NTM: variants seen among roughly 807,000 people sequenced by gnomAD.
NTM encodes the protein IgLON family member 2.
NTM carries 13 observed loss-of-function variants against 42.1 expected under a neutral mutation model. The ratio of observed to expected loss-of-function variants is 0.31; its 90% CI spans 0.20 to 0.49. The LOEUF (loss-of-function observed/expected upper bound fraction) is 0.49. NTM is among the 20% of genes least tolerant of loss of function. The pLI is 0.99. For missense variants in NTM, 373 were observed against 452.8 expected (o/e 0.82, Z 1.60); for synonymous variants, 187 against 179.2 (o/e 1.04, Z -0.35).
chr11:131,378,458 C>T lies in NTM; in HGVS notation c.82+7570C>T, dbSNP rs77583872. The stretch of plus-strand genomic sequence containing the variant: ...GTAAGAATATAAACAGCATCACAGA[C>T]GAATGAACAGAGTCAGAACATGTAA... On this transcript the variant is annotated intron_variant, in intron 1 of 8. Transcript: ENST00000683400. Among the ~76,000 whole-genome samples the T allele has an allele frequency of 3.7e-4, 57 of 152,260 alleles. No homozygotes were observed. In the East Asian group the frequency reaches 4.4e-3, roughly 12 times the overall value.
intron 1 of NTM, among the ~76,000 whole-genome samples, chr11:131,886,421 G>C (rs570571749): frequency 1.3e-5 from 2 of 151,524 alleles, no homozygotes; most frequent in African/African-American, 4.8e-5. Flanking sequence ...CCTCTTCCCC[G>C]TTCCCCACCT....
intron 2 of NTM, among the ~76,000 whole-genome samples, chr11:131,963,503 T>C (rs1340463146): frequency 3.9e-5 from 6 of 152,236 alleles, no homozygotes; most frequent in Non-Finnish European, 8.8e-5. Context: ...TAGGTCCTCT[T>C]CTTGCAATAT....
intron 2 of NTM, among the ~76,000 whole-genome samples, chr11:132,055,743 C>A (rs2079554864): frequency 6.6e-6 from 1 of 152,042 alleles, no homozygotes; most frequent in Non-Finnish European, 1.5e-5. Flanking sequence ...TGGTAGTGTG[C>A]ACATAAGACC....
intron 1 of NTM, among the ~76,000 whole-genome samples, chr11:131,541,054 A>G (rs2053166682): frequency 6.6e-6 from 1 of 152,218 alleles, no homozygotes; most frequent in South Asian, 2.1e-4. Context: ...TATTGATGGC[A>G]GCTGATTATT....
chr11:131,833,193 T>C (rs2043044019), intron 1 of NTM, among the ~76,000 whole-genome samples: 1 of 152,236 alleles, frequency 6.6e-6, no homozygotes, highest in South Asian at 2.1e-4. Flanking sequence ...GATTTTTGTA[T>C]TGAAGAATTG....
At chr11:131,610,064 A>G (rs2061346030) in intron 1 of NTM, among the ~76,000 whole-genome samples, 1 of 152,242 alleles carries the variant, frequency 6.6e-6, no homozygotes, top group Non-Finnish European at 1.5e-5. Context: ...AAAGGCACAG[A>G]TGACTCCAGC....
intron 7 of NTM, among the ~76,000 whole-genome samples, chr11:132,321,588 A>G (rs2095569748): frequency 6.6e-6 from 1 of 152,242 alleles, no homozygotes; most frequent in Admixed American, 6.5e-5. Flanking sequence ...AATGGAACCA[A>G]GTTGGAAAAC....
intron 2 of NTM, among the ~76,000 whole-genome samples, chr11:132,004,626 T>TCACACA (rs1229745116): frequency 4.1e-4 from 62 of 150,174 alleles, no homozygotes; most frequent in African/African-American, 1.4e-3. Flanking sequence ...TCTCTCTCTC[T>TCACACA]CTCTCTCTCA....
chr11:131,701,287 T>C (rs2076046201), intron 1 of NTM, among the ~76,000 whole-genome samples: 1 of 152,206 alleles, frequency 6.6e-6, no homozygotes, highest in Non-Finnish European at 1.5e-5. Context: ...TAATGCCACC[T>C]ACCCACAGGG....
intron 1 of NTM, among the ~76,000 whole-genome samples, chr11:131,509,314 C>A (rs2047940589): frequency 6.6e-6 from 1 of 152,168 alleles, no homozygotes; most frequent in South Asian, 2.1e-4. Context: ...GGCTCACTCC[C>A]AATAACTCCG....
chr11:132,288,093 AGT>A (rs1416215697), intron 4 of NTM, among the ~76,000 whole-genome samples: 1 of 152,220 alleles, frequency 6.6e-6, no homozygotes, highest in Non-Finnish European at 1.5e-5. Flanking sequence ...CACAGAGCCT[AGT>A]GTCAGTGTTT....
chr11:131,410,517 C>CAAAAAAAAAAAAAAAAAAAAAAAA (rs1161389222), intron 1 of NTM, among the ~76,000 whole-genome samples: 2 of 32,754 alleles, frequency 6.1e-5, no homozygotes, highest in Non-Finnish European at 1.0e-4. Context: ...AAACAATAAC[C>CAAAAAAAAAAAAAAAAAAAAAAAA]AAAAAAAAAA....
chr11:132,332,563 G>T (rs1018907655), intron 8 of NTM: 2 of 152,216 alleles, frequency 1.3e-5, no homozygotes, highest in African/African-American at 4.8e-5. Context: ...GCTCTCTGTG[G>T]TGCTTCCCAG....
chr11:131,419,008 G>C (rs114975738), intron 1 of NTM, among the ~76,000 whole-genome samples: 1,535 of 152,136 alleles, frequency 0.01, 29 homozygotes, highest in African/African-American at 0.036. Flanking sequence ...CACAAGTCAG[G>C]GTGAGTCGAG....
rs147023263 is a variant in NTM, at chr11:132,335,023, C to T, written c.968-23C>T. ...CTTCCATTTTCTCCCAGACCACTCA[C>T]GGCGAGTGTGTTCTCTCCACAGGTC... On this transcript the variant is annotated intron_variant, in intron 8 of 8. Transcript: ENST00000683400. 589 of 1,608,148 alleles carry T rather than the reference C, an allele frequency of 3.7e-4. 1 individual carries two copies. The African/African-American group carries it at 5.8e-3, about 16-fold the overall frequency.
chr11:131,615,507 AGGCACCCACCACAATGCCTG>A (rs2061838431), intron 1 of NTM, among the ~76,000 whole-genome samples: 2 of 152,146 alleles, frequency 1.3e-5, no homozygotes, highest in Admixed American at 1.3e-4. Flanking sequence ...CTGGGATTAC[AGGCACCCACCACAATGCCTG>A]GCTAATTTTT....
chr11:131,595,683 C>T (rs1332060161), intron 1 of NTM, among the ~76,000 whole-genome samples: 3 of 152,172 alleles, frequency 2.0e-5, no homozygotes, highest in African/African-American at 7.2e-5. Flanking sequence ...GGGCTGTGTA[C>T]AGATGAAGGT....
chr11:131,792,931 C>T (rs970718475), intron 1 of NTM, among the ~76,000 whole-genome samples: 12 of 152,182 alleles, frequency 7.9e-5, no homozygotes, highest in Admixed American at 1.3e-4. Flanking sequence ...TCTTACTAAC[C>T]GGTTATCTCT....
rs181861007 is a variant in NTM at position 131,585,759 on chromosome 11, G to A, written c.82+214871G>A. 2.0e-5 allele frequency among the ~76,000 whole-genome samples: 3 copies of A among 152,138 alleles called. No homozygotes were observed. The East Asian group carries it at 5.8e-4, about 30-fold the overall frequency. On this transcript the variant is annotated intron_variant, in intron 1 of 8. Transcript: ENST00000683400. The stretch of plus-strand genomic sequence containing the variant: ...TGCCTGCCCCAAATGGTTGTAGTGT[G>A]TGGTTTGTCCTATTTTTTGCTTCTC...
Sources: allele counts gnomAD v4.1 joint callset (sites outside exome capture counted in the v4.1 genomes callset), GRCh38; gene constraint gnomAD v4.1.1; transcripts MANE v1.5; gene names NCBI Gene and HGNC (gene_info 2026-07-23, HGNC 2026-07-21).